The following SCFD2 variants were observed in gnomAD, a reference collection of about 807,000 sequenced individuals.
SCFD2 encodes the protein sec1 family domain containing 2.
Under a neutral mutation model 58.9 loss-of-function variants are expected in SCFD2, and 54 were observed. That is an observed-to-expected ratio of 0.92 (90% CI 0.74 to 1.15). The LOEUF (loss-of-function observed/expected upper bound fraction) is 1.15, where lower values mean the gene tolerates loss of function less well. SCFD2 is among the 50% of genes most tolerant of loss of function. The pLI is 0.00. For synonymous variants in SCFD2, 321 were observed against 335.9 expected (o/e 0.96, Z 0.49); for missense variants, 805 against 836.6 (o/e 0.96, Z 0.47).
At chr4:53,257,926 A>G (rs1466777633) in intron 4 of SCFD2, among the ~76,000 whole-genome samples, 1 of 152,208 alleles carries the variant, frequency 6.6e-6, no homozygotes, top group Non-Finnish European at 1.5e-5. Flanking sequence ...AAACAGGATC[A>G]ATAAAGAAAA....
At chr4:53,278,521 T>A (rs1731406017) in intron 3 of SCFD2, among the ~76,000 whole-genome samples, 1 of 147,934 alleles carries the variant, frequency 6.8e-6, no homozygotes, top group Non-Finnish European at 1.5e-5. Context: ...AGAGTGAGAC[T>A]CCATCTCAAA....
At chr4:52,989,288 G>A (rs1006204622) in intron 5 of SCFD2, among the ~76,000 whole-genome samples, 1 of 152,136 alleles carries the variant, frequency 6.6e-6, no homozygotes, top group Non-Finnish European at 1.5e-5. Flanking sequence ...ACCATGCTAT[G>A]CCCATCAATT....
chr4:53,224,894 G>T (rs1187725062), intron 4 of SCFD2, among the ~76,000 whole-genome samples: 3 of 151,772 alleles, frequency 2.0e-5, no homozygotes, highest in Non-Finnish European at 2.9e-5. Flanking sequence ...TAGCTTCATG[G>T]TATATATGTA....
intron 4 of SCFD2, among the ~76,000 whole-genome samples, chr4:53,249,663 A>C (rs538650580): frequency 6.6e-6 from 1 of 152,360 alleles, no homozygotes; most frequent in South Asian, 2.1e-4. Flanking sequence ...ACATTCTTAA[A>C]GAAAAGAATT....
At chr4:53,248,597 T>A (rs200461688) in intron 4 of SCFD2, among the ~76,000 whole-genome samples, 2 of 152,156 alleles carry the variant, frequency 1.3e-5, no homozygotes, top group Non-Finnish European at 2.9e-5. Flanking sequence ...GACTGCCTCC[T>A]CAAGTGGGTC....
intron 3 of SCFD2, among the ~76,000 whole-genome samples, chr4:53,289,016 G>A (rs952752780): frequency 6.6e-6 from 1 of 152,184 alleles, no homozygotes; most frequent in East Asian, 1.9e-4. Flanking sequence ...GGGGGATAGG[G>A]AGTAAAAGTC....
intron 4 of SCFD2, among the ~76,000 whole-genome samples, chr4:53,212,987 G>C (rs1728671361): frequency 3.9e-5 from 6 of 152,004 alleles, no homozygotes; most frequent in Admixed American, 3.9e-4. Context: ...AAAATATTCA[G>C]CCTGTATGTA....
intron 3 of SCFD2, among the ~76,000 whole-genome samples, chr4:53,305,704 G>A (rs549393051): frequency 1.8e-4 from 27 of 151,990 alleles, no homozygotes; most frequent in African/African-American, 5.1e-4. Context: ...TTTCTAACAC[G>A]TTGTTTTGTA....
At chr4:53,029,600 G>C (rs1024981760) in intron 5 of SCFD2, among the ~76,000 whole-genome samples, 4 of 152,142 alleles carry the variant, frequency 2.6e-5, no homozygotes, top group African/African-American at 9.7e-5. Context: ...TTCATTTCTT[G>C]GGTAAATTTA....
intron 4 of SCFD2, among the ~76,000 whole-genome samples, chr4:53,264,702 A>G (rs1730929301): frequency 6.6e-6 from 1 of 152,248 alleles, no homozygotes; most frequent in Non-Finnish European, 1.5e-5. Flanking sequence ...GAGGACTTAG[A>G]AAGTAAAATC....
intron 3 of SCFD2, among the ~76,000 whole-genome samples, chr4:53,296,181 T>C (rs1327430112): frequency 6.6e-6 from 1 of 152,220 alleles, no homozygotes; most frequent in African/African-American, 2.4e-5. Flanking sequence ...TCCCTCTTTT[T>C]TTATTGATTG....
At chr4:52,901,751 A>C (rs1489560785) in intron 7 of SCFD2, among the ~76,000 whole-genome samples, 2 of 152,192 alleles carry the variant, frequency 1.3e-5, no homozygotes, top group Non-Finnish European at 2.9e-5. Context: ...GCTTCTCTGG[A>C]CAATCTGATT....
chr4:52,942,945 CAA>C lies in SCFD2; in HGVS notation c.1562-22077_1562-22076del, dbSNP rs773255911. Among the ~76,000 whole-genome samples the C allele has an allele frequency of 8.7e-5, 11 of 126,334 alleles. No individual in the cohort carries two copies. The Middle Eastern group carries it at 0.02, about 232-fold the overall frequency. 82.9% of individuals were successfully genotyped at this position (126,334 alleles called of 152,430 possible). A position where few individuals can be genotyped will look rare whatever the true frequency, so the allele number is the denominator to read the frequency against. On this transcript the variant is annotated intron_variant, in intron 5 of 8. Transcript: ENST00000401642. ...ATAAATCTGCCATGGAAAGTAAAAG[CAA>C]AAAAAAAAAAAGTCATTAAGCACAA...
chr4:52,933,205 C>G (rs1215089496), intron 5 of SCFD2, among the ~76,000 whole-genome samples: 1 of 152,126 alleles, frequency 6.6e-6, no homozygotes, highest in Admixed American at 6.5e-5. Context: ...AGCAGCAGCT[C>G]TCTCTGTTTC....
chr4:53,352,456 G>A, intron 2 of SCFD2, 142 bp downstream of exon 2: 1 of 555,018 alleles, frequency 1.8e-6, no homozygotes, highest in Non-Finnish European at 3.1e-6. Context: ...AAGAAAAAAT[G>A]CTTTTTGCTA....
intron 5 of SCFD2, among the ~76,000 whole-genome samples, chr4:52,966,471 C>A (rs1577865675): frequency 6.6e-6 from 1 of 152,176 alleles, no homozygotes; most frequent in African/African-American, 2.4e-5. Context: ...TTCCACATCA[C>A]CTTTTTAATC....
intron 5 of SCFD2, among the ~76,000 whole-genome samples, chr4:53,074,092 C>G (rs1320435042): frequency 6.6e-6 from 1 of 152,356 alleles, no homozygotes. Flanking sequence ...AGCCAATCCT[C>G]TTAAACACTG....
intron 5 of SCFD2, among the ~76,000 whole-genome samples, chr4:52,938,896 T>C (rs1720214007): frequency 6.6e-6 from 1 of 152,192 alleles, no homozygotes; most frequent in Admixed American, 6.5e-5. Context: ...ATTTTACTCT[T>C]CTCTGAATGA....
At chr4:53,285,738 C>T (rs2149081383) in intron 3 of SCFD2, among the ~76,000 whole-genome samples, 1 of 151,978 alleles carries the variant, frequency 6.6e-6, no homozygotes, top group South Asian at 2.1e-4. Flanking sequence ...CTGCTCAGAA[C>T]CAGAATGGAC....
Sources: gnomAD v4.1 joint callset for allele counts (sites outside exome capture counted in the v4.1 genomes callset) on GRCh38, gnomAD v4.1.1 for gene constraint, MANE v1.5 for transcripts, NCBI Gene and HGNC (gene_info 2026-07-23, HGNC 2026-07-21) for gene names.